Variants in HID1 observed in about 807,000 individuals in gnomAD.
HID1 encodes protein HID1.
Under a neutral mutation model 89.7 loss-of-function variants are expected in HID1, and 42 were observed. That is an observed-to-expected ratio of 0.47 (90% CI 0.37 to 0.61). The LOEUF (loss-of-function observed/expected upper bound fraction) is 0.61. Among genes scored for constraint, HID1 ranks in the 20% least tolerant of loss-of-function variants. HID1 has a pLI of 0.00. For synonymous variants in HID1, 442 were observed against 433.8 expected (o/e 1.02, Z -0.24); for missense variants, 854 against 1,039.3 (o/e 0.82, Z 2.45).
At position 74,954,233 on chromosome 17, in the gene HID1, C is replaced by A. The variant is rs200408906; in HGVS notation, c.1769G>T (p.Arg590Leu). The A allele has an allele frequency of 2.5e-6, 4 of 1,594,422 alleles. No homozygotes were observed. The highest frequency in any genetic ancestry group is 2.7e-5 in the African/African-American group (2 of 74,912). The change falls in exon 14 of 19, where the codon CGC becomes CTC. Residue 590 changes from arginine (R) to leucine (L), a missense_variant. By Grantham distance (102) the Arg-to-Leu change is moderately radical (BLOSUM62 -2). Transcript: ENST00000425042. ...RRRRTPEPLSRTGSQEGTSME... is the reference protein window; with the variant it reads ...RRRRTPEPLSLTGSQEGTSME... ...GGAGGTGCCCTCCTGGGAGCCGGTG[C>A]GAGACAAGGGCTCAGGTGTCCGCCG...
rs1180805109 is a variant in HID1, at chr17:74,955,852, G to A, written c.1576C>T (p.His526Tyr). ...TWFLFSAAQN[H>Y]HLVFFLLEVF... ...TCCAGGAGGAAGAAGACCAGGTGGT[G>A]GTTCTGGGCGGCAGAGAAGAGGAAC... The change falls in exon 13 of 19, where the codon CAC becomes TAC. Residue 526 changes from histidine to tyrosine, a missense_variant. Transcript: ENST00000425042. 6.2e-7 allele frequency: 1 copy of A among 1,614,186 alleles called. No homozygotes were observed. Among genetic ancestry groups the A allele is most frequent in the Non-Finnish European group, 8.5e-7 (1 of 1,180,026 alleles).
Position 74,958,298 on chromosome 17 carries a change from C to G in HID1, c.1392+29G>C, listed in dbSNP as rs771830976. On this transcript the variant is annotated intron_variant, in intron 11 of 18. Coordinates refer to ENST00000425042, the MANE Select transcript of HID1 (RefSeq NM_030630.3). The surrounding 1 kb of genome is among the most constrained non-coding windows in gnomAD (Gnocchi z 5.2). Reference sequence around the variant, plus strand: ...CCAAGAGGACACCACCCCTGCACCTCCTGGGCCCGGCCGCACGAGCCCCCT... The same window carrying G: ...CCAAGAGGACACCACCCCTGCACCTGCTGGGCCCGGCCGCACGAGCCCCCT... The G allele has an allele frequency of 6.2e-7, 1 of 1,611,434 alleles. No homozygotes were observed. Among genetic ancestry groups the G allele is most frequent in the Admixed American group, 1.7e-5 (1 of 59,742 alleles).
chr17:74,953,473 G>T, intron 15 of HID1, 72 bp downstream of exon 15: 3 of 1,281,370 alleles, frequency 2.3e-6, no homozygotes, highest in Non-Finnish European at 3.3e-6. Flanking sequence ...CCCCGGCCCA[G>T]CCCCTACTGC....
chr17:74,958,865 G>A lies in HID1; in HGVS notation c.1149+46C>T, dbSNP rs750398514. ...CTGTCCCTGCCCCCGGGTTATTGGG[G>A]CAGCTGCTCTCCATCTCCCTGCAGG... On this transcript the variant is annotated intron_variant, in intron 9 of 18. Coordinates refer to ENST00000425042, the MANE Select transcript of HID1 (RefSeq NM_030630.3). This position sits in a 1 kb window ranked among gnomAD's most constrained non-coding sequence, Gnocchi z 5.2. 13 of 1,582,258 alleles carry A rather than the reference G, an allele frequency of 8.2e-6. No homozygotes were observed. Among genetic ancestry groups the A allele is most frequent in the East Asian group, 2.2e-5 (1 of 44,570 alleles).
intron 6 of HID1, 143 bp downstream of exon 6, chr17:74,961,730 A>G (rs1045614461): frequency 2.2e-6 from 1 of 446,480 alleles, no homozygotes; most frequent in Non-Finnish European, 4.0e-6. Context: ...GGCTAGTGTG[A>G]GGTGTGGCTG....
intron 13 of HID1, 53 bp from the exon 14 acceptor site, chr17:74,954,418 G>A (rs984372664): frequency 6.7e-5 from 104 of 1,547,080 alleles, no homozygotes; most frequent in East Asian, 4.9e-4. Context: ...AGCTCCCCCC[G>A]TCCAATCTGG....
chr17:74,961,321 G>C (rs570527167), intron 6 of HID1, among the ~76,000 whole-genome samples: 1 of 151,672 alleles, frequency 6.6e-6, no homozygotes, highest in Admixed American at 6.6e-5. Context: ...AGGCTGGAGC[G>C]CAGTGGCGCA....
chr17:74,954,192 G>T lies in HID1; in HGVS notation c.1810C>A (p.Pro604Thr). The change falls in exon 14 of 19, where the codon CCC (proline) becomes ACC (threonine). Residue 604 changes from proline to threonine, a missense_variant. Coordinates refer to ENST00000425042, the MANE Select transcript of HID1 (RefSeq NM_030630.3). ...GTGCCTGGCTCTGCAGGGGCAGCGG[G>T]GCGGGAGCCCTCCATGGAGGTGCCC... is the stretch of plus-strand genomic sequence containing the variant. ...QEGTSMEGSRPAAPAEPGTLK... is the reference protein window; with the variant it reads ...QEGTSMEGSRTAAPAEPGTLK... 1 of 1,603,164 alleles carries T rather than the reference G, an allele frequency of 6.2e-7. No homozygotes were observed.
chr17:74,967,553 T>A (rs571757644), intron 1 of HID1, among the ~76,000 whole-genome samples: 69 of 150,524 alleles, frequency 4.6e-4, no homozygotes, highest in Middle Eastern at 3.4e-3. Context: ...AAATAAAAAA[T>A]ATAATAATAA....
chr17:74,970,398 C>T (rs2039628748), intron 1 of HID1, among the ~76,000 whole-genome samples: 1 of 152,216 alleles, frequency 6.6e-6, no homozygotes, highest in African/African-American at 2.4e-5. Flanking sequence ...CATGCACATA[C>T]ATGTATACAC....
intron 1 of HID1, among the ~76,000 whole-genome samples, chr17:74,966,283 C>CAAAAAAAAAAAAAAAAAAAAAAAAA (rs34312915): frequency 1.4e-5 from 1 of 70,942 alleles, no homozygotes. Context: ...GACTCTGTCT[C>CAAAAAAAAAAAAAAAAAAAAAAAAA]AAAAAAAAAA....
At position 74,962,211 on chromosome 17, in the gene HID1, CT is replaced by C. The variant is rs770919266; in HGVS notation, c.611+22del. On this transcript the variant is annotated intron_variant, in intron 5 of 18. Transcript: ENST00000425042. The surrounding 1 kb of genome is among the most constrained non-coding windows in gnomAD (Gnocchi z 4.3). ...GCCCGGGGTCCAGCTGCATTGAGGG[CT>C]CCGGGCCTGGGCGAAGCTCACCGGT... The C allele has an allele frequency of 6.3e-7, 1 of 1,580,488 alleles. No individual in the cohort carries two copies. The highest frequency in any genetic ancestry group is 8.7e-7 in the Non-Finnish European group (1 of 1,154,270).
At position 74,961,881 on chromosome 17, in the gene HID1, C is replaced by G. The variant is rs764853893; in HGVS notation, c.720G>C (p.Thr240=). Residue 240 remains threonine, a synonymous_variant, in exon 6 of 19, where the codon ACG becomes ACC. Coordinates refer to ENST00000425042, the MANE Select transcript of HID1 (RefSeq NM_030630.3). ...GGCCAAGGGCCCTTCACCTGTTCTC[C>G]GTGGAACAAAAGAACTGAACCCATG... ...TNPWVQFFCS[T]ENRHALPLFT... 1 of 1,571,882 alleles carries G rather than the reference C, an allele frequency of 6.4e-7. No homozygotes were observed. Among genetic ancestry groups the G allele is most frequent in the African/African-American group, 1.4e-5 (1 of 73,234 alleles).
intron 3 of HID1, 157 bp from the exon 4 acceptor site, chr17:74,963,238 C>T (rs3744200): frequency 0.024 from 13,897 of 577,184 alleles, 633 homozygotes; most frequent in African/African-American, 0.12. Flanking sequence ...TGCCCCAAAC[C>T]TCCCAAGGCA....
Position 74,958,842 on chromosome 17 carries a change from G to C in HID1, c.1149+69C>G, listed in dbSNP as rs1250899574. 3 of 1,587,576 alleles carry C rather than the reference G, an allele frequency of 1.9e-6. No individual in the cohort carries two copies. The highest frequency in any genetic ancestry group is 2.7e-5 in the African/African-American group (2 of 74,338). ...GCCCCACCCCCCTCAGTCTGACACTGTCCCTGCCCCCGGGTTATTGGGGCA... is the reference window on the plus strand; with the variant it reads ...GCCCCACCCCCCTCAGTCTGACACTCTCCCTGCCCCCGGGTTATTGGGGCA... On this transcript the variant is annotated intron_variant, in intron 9 of 18. Coordinates refer to ENST00000425042, the MANE Select transcript of HID1 (RefSeq NM_030630.3). The surrounding 1 kb of genome is among the most constrained non-coding windows in gnomAD (Gnocchi z 5.2).
chr17:74,959,858 G>A lies in HID1; in HGVS notation c.1008+23C>T. ...CTTGCATCCCCCTGCACCCTGCAAAGCCACTGTGGGGACTGGACTTGCCTC... is the reference window on the plus strand; with the variant it reads ...CTTGCATCCCCCTGCACCCTGCAAAACCACTGTGGGGACTGGACTTGCCTC... On this transcript the variant is annotated intron_variant, in intron 8 of 18. Coordinates refer to ENST00000425042, the MANE Select transcript of HID1 (RefSeq NM_030630.3). The surrounding 1 kb of genome is among the most constrained non-coding windows in gnomAD (Gnocchi z 4.6). 1 of 1,612,838 alleles carries A rather than the reference G, an allele frequency of 6.2e-7. No individual in the cohort carries two copies. Among genetic ancestry groups the A allele is most frequent in the Non-Finnish European group, 8.5e-7 (1 of 1,179,314 alleles).
At position 74,962,275 on chromosome 17, in the gene HID1, G is replaced by A. The variant is rs139939422; in HGVS notation, c.570C>T (p.Phe190=). The part of the protein sequence containing the change: ...CEYIWEAGVG[F]AHSPQPNYIH... ...TGTAGTTAGGCTGGGGGGAGTGAGC[G>A]AAGCCCACACCAGCCTCCCAGATGT... The change falls in exon 5 of 19, where the codon TTC becomes TTT. Residue 190 remains phenylalanine, a synonymous_variant. Coordinates refer to ENST00000425042, the MANE Select transcript of HID1 (RefSeq NM_030630.3). This position sits in a 1 kb window ranked among gnomAD's most constrained non-coding sequence, Gnocchi z 4.3. 12,433 of 1,611,826 alleles carry A rather than the reference G, an allele frequency of 7.7e-3. 101 individuals are homozygous for A. The highest frequency in any genetic ancestry group is 0.04 in the Middle Eastern group (240 of 6,052).
Position 74,951,581 on chromosome 17 carries a change from G to GT in HID1, c.2355dup (p.Gln786ThrfsTer14), listed in dbSNP as rs2039299222. 1 of 1,611,940 alleles carries GT rather than the reference G, an allele frequency of 6.2e-7. No individual in the cohort carries two copies. The highest frequency in any genetic ancestry group is 8.5e-7 in the Non-Finnish European group (1 of 1,179,216). ...CGTCGGCTTCATCCTCACACCCGCT[G>GT]TATCTCAAACAGCTTCACGTCGGTG... On this transcript the variant is annotated frameshift_variant, in exon 19 of 19. Coordinates refer to ENST00000425042, the MANE Select transcript of HID1 (RefSeq NM_030630.3). LOFTEE classifies it high-confidence loss of function.
chr17:74,958,161 AGGCAGTCGAAGAGG>A lies in HID1; in HGVS notation c.1437_1450del (p.Leu480AlafsTer61). 1 of 1,609,954 alleles carries A rather than the reference AGGCAGTCGAAGAGG, an allele frequency of 6.2e-7. No individual in the cohort carries two copies. The highest frequency in any genetic ancestry group is 8.5e-7 in the Non-Finnish European group (1 of 1,178,500). On this transcript the variant is annotated frameshift_variant, in exon 12 of 19. Transcript: ENST00000425042. LOFTEE classifies it high-confidence loss of function. This position sits in a 1 kb window ranked among gnomAD's most constrained non-coding sequence, Gnocchi z 5.2. ...CCTACCGTTGACCACGATGGTGAGC[AGGCAGTCGAAGAGG>A]GGCTGCAACCGCTGGTGCCCGCTGG...
Sources: allele counts gnomAD v4.1 joint callset (sites outside exome capture counted in the v4.1 genomes callset), GRCh38; gene constraint gnomAD v4.1.1; non-coding constraint Gnocchi (gnomAD v3.1); transcripts MANE v1.5; gene names NCBI Gene and HGNC (gene_info 2026-07-23, HGNC 2026-07-21).